KALRN: variants seen among roughly 807,000 people sequenced by gnomAD.
KALRN encodes the protein kalirin.
In KALRN, 70 loss-of-function variants were observed where a neutral mutation model predicts 353.7. The observed-to-expected ratio is 0.20, with a 90% confidence interval of 0.16 to 0.24. The LOEUF is 0.24. KALRN is among the 10% of genes least tolerant of loss of function. The probability of loss-of-function intolerance (pLI) is 1.00; values close to 1 mark genes in which losing one functional copy is unlikely to be tolerated. For synonymous variants in KALRN, 1,391 were observed against 1,434.8 expected (o/e 0.97, Z 0.69); for missense variants, 2,791 against 3,756.7 (o/e 0.74, Z 6.72).
At position 124,413,670 on chromosome 3, in the gene KALRN, G is replaced by A. The variant is rs774249248; in HGVS notation, c.2542+5G>A. 1 of 1,611,218 alleles carries A rather than the reference G, an allele frequency of 6.2e-7. No homozygotes were observed. The highest frequency in any genetic ancestry group is 8.5e-7 in the Non-Finnish European group (1 of 1,177,942). On this transcript the variant is annotated splice_donor_5th_base_variant and intron_variant, in intron 14 of 59. Transcript: ENST00000682506. ...TCACGGAGGTCCAGGCATCAGGTGG[G>A]TGACCTCGCTCATTCTCCTGGCAGA...
intron 1 of KALRN, among the ~76,000 whole-genome samples, chr3:124,220,653 T>C (rs138021601): frequency 6.6e-6 from 1 of 152,294 alleles, no homozygotes; most frequent in African/African-American, 2.4e-5. Context: ...AGACCAGGAC[T>C]TTAAGTCTCT....
At chr3:124,123,650 T>G (rs1327920883) in intron 1 of KALRN, among the ~76,000 whole-genome samples, 4 of 152,202 alleles carry the variant, frequency 2.6e-5, no homozygotes, top group African/African-American at 9.6e-5. Flanking sequence ...TCAATGTAGA[T>G]GAAATAGCCT....
intron 34 of KALRN, among the ~76,000 whole-genome samples, chr3:124,582,309 C>T (rs1434884549): frequency 6.6e-6 from 1 of 152,186 alleles, no homozygotes. Flanking sequence ...GCGTGAGCCA[C>T]TGCGCCCAGC....
chr3:124,334,169 G>A lies in KALRN; in HGVS notation c.1417-96G>A. The A allele has an allele frequency of 9.9e-7, 1 of 1,012,226 alleles. No individual in the cohort carries two copies. Among genetic ancestry groups the A allele is most frequent in the Non-Finnish European group, 1.5e-6 (1 of 652,980 alleles). 62.7% of individuals were successfully genotyped at this position (1,012,226 alleles called of 1,614,324 possible). ...ATGGAATGCCTGAGATTCTCAGAAG[G>A]CCTAGTCAGGGACCCTCAGGCAGAC... On this transcript the variant is annotated intron_variant, in intron 8 of 59. Transcript: ENST00000682506. This position sits in a 1 kb window ranked among gnomAD's most constrained non-coding sequence, Gnocchi z 4.2.
chr3:124,281,620 C>T (rs1401542519), intron 5 of KALRN, among the ~76,000 whole-genome samples: 1 of 152,236 alleles, frequency 6.6e-6, no homozygotes, highest in Non-Finnish European at 1.5e-5. Flanking sequence ...ATGCTACTCT[C>T]TCTGTTCTGC....
intron 34 of KALRN, among the ~76,000 whole-genome samples, chr3:124,603,295 T>A (rs6438850): frequency 0.6 from 90,672 of 152,054 alleles, 27,254 homozygotes; most frequent in East Asian, 0.83. Context: ...GTTTCTAGTC[T>A]TCAAAGCCCT....
At chr3:124,461,169 G>T (rs1490701252) in intron 23 of KALRN, among the ~76,000 whole-genome samples, 1 of 152,122 alleles carries the variant, frequency 6.6e-6, no homozygotes, top group Non-Finnish European at 1.5e-5. Context: ...ATCAAAAGAA[G>T]AATATTTTAT....
chr3:124,632,428 T>C lies in KALRN; in HGVS notation c.5191T>C (p.Ser1731Pro). 6.2e-7 allele frequency: 1 copy of C among 1,613,734 alleles called. No individual in the cohort carries two copies. Among genetic ancestry groups the C allele is most frequent in the South Asian group, 1.1e-5 (1 of 91,054 alleles). ...CFFPLVKDAY[S>P]HSSSENGGKS... is the part of the protein sequence containing the mutation. ...CTGTCCGTTTTCCTCAGATGCATAC[T>C]CTCATTCCTCAAGCGAGAATGGAGG... The change falls in exon 35 of 60, where the codon TCT (serine) becomes CCT (proline). Residue 1731 changes from serine to proline, a missense_variant. Ser to Pro is a moderately conservative substitution (Grantham distance 74). Transcript: ENST00000682506.
At chr3:124,387,417 G>A (rs2088544590) in intron 11 of KALRN, among the ~76,000 whole-genome samples, 1 of 152,180 alleles carries the variant, frequency 6.6e-6, no homozygotes, top group African/African-American at 2.4e-5. Flanking sequence ...TCATAGCCAT[G>A]ATAATTCTCG....
chr3:124,119,707 T>A (rs978855638), intron 1 of KALRN, among the ~76,000 whole-genome samples: 1 of 152,198 alleles, frequency 6.6e-6, no homozygotes, highest in Non-Finnish European at 1.5e-5. Context: ...AAATGTTGTC[T>A]AATTTTTTGT....
intron 57 of KALRN, 81 bp from the exon 58 acceptor site, chr3:124,712,854 C>A: frequency 1.0e-6 from 1 of 969,106 alleles, no homozygotes. Context: ...GACCACTTCC[C>A]ACAAAACTTT....
At chr3:124,619,153 T>G (rs888053081) in intron 34 of KALRN, among the ~76,000 whole-genome samples, 4 of 150,972 alleles carry the variant, frequency 2.6e-5, no homozygotes, top group Non-Finnish European at 5.9e-5. Context: ...AGATTCCACA[T>G]ATAAGGGAGA....
intron 49 of KALRN, 177 bp downstream of exon 49, chr3:124,674,791 C>A: frequency 1.9e-6 from 1 of 520,712 alleles, no homozygotes; most frequent in Non-Finnish European, 3.1e-6. Flanking sequence ...GGCATCCGGG[C>A]TGGAGTGATC....
intron 1 of KALRN, among the ~76,000 whole-genome samples, chr3:124,154,037 G>C (rs1479642909): frequency 6.6e-6 from 1 of 152,120 alleles, no homozygotes; most frequent in Non-Finnish European, 1.5e-5. Context: ...CAGATGAGTA[G>C]GTTGCAAAAA....
intron 1 of KALRN, among the ~76,000 whole-genome samples, chr3:124,073,689 C>A (rs973536272): frequency 2.6e-5 from 4 of 152,098 alleles, no homozygotes; most frequent in African/African-American, 9.7e-5. Context: ...TAAGCATTAC[C>A]ACAGTTAATC....
chr3:124,609,133 T>C (rs1390273145), intron 34 of KALRN, among the ~76,000 whole-genome samples: 1 of 152,204 alleles, frequency 6.6e-6, no homozygotes, highest in Non-Finnish European at 1.5e-5. Context: ...TACACAAAGA[T>C]TTGGGAAATG....
At chr3:124,370,176 T>C (rs1270001455) in intron 10 of KALRN, among the ~76,000 whole-genome samples, 1 of 152,184 alleles carries the variant, frequency 6.6e-6, no homozygotes, top group Non-Finnish European at 1.5e-5. Context: ...CCTGGGAATT[T>C]AACCAGGTCA....
At chr3:124,319,946 A>G (rs1343959731) in intron 6 of KALRN, among the ~76,000 whole-genome samples, 2 of 152,060 alleles carry the variant, frequency 1.3e-5, no homozygotes, top group Admixed American at 1.3e-4. Flanking sequence ...ATGAGCCAAG[A>G]TTGTGCTACT....
At chr3:124,560,448 C>A (rs780936500) in intron 33 of KALRN, among the ~76,000 whole-genome samples, 2 of 152,030 alleles carry the variant, frequency 1.3e-5, no homozygotes, top group African/African-American at 4.8e-5. Flanking sequence ...AGTCCATTAG[C>A]GAGGTGGAAT....
Sources: gnomAD v4.1 joint callset for allele counts (sites outside exome capture counted in the v4.1 genomes callset) on GRCh38, gnomAD v4.1.1 for gene constraint, Gnocchi (gnomAD v3.1) non-coding constraint, MANE v1.5 for transcripts, NCBI Gene and HGNC (gene_info 2026-07-23, HGNC 2026-07-21) for gene names.